NLRC5: variants seen among roughly 807,000 people sequenced by gnomAD.
NLRC5 encodes protein NLRC5.
NLRC5 carries 114 observed loss-of-function variants against 206.9 expected under a neutral mutation model. The ratio of observed to expected loss-of-function variants is 0.55; its 90% CI spans 0.47 to 0.64. The LOEUF (loss-of-function observed/expected upper bound fraction) is 0.64. Among genes scored for constraint, NLRC5 ranks in the 30% least tolerant of loss-of-function variants. The probability of loss-of-function intolerance (pLI) is 0.00; values close to 1 mark genes in which losing one functional copy is unlikely to be tolerated. For synonymous variants in NLRC5, 952 were observed against 962.8 expected (o/e 0.99, Z 0.21); for missense variants, 2,008 against 2,305.5 (o/e 0.87, Z 2.64).
At chr16:56,989,769 G>A (rs2056567869) in intron 1 of NLRC5, among the ~76,000 whole-genome samples, 152 bp downstream of exon 1, 1 of 152,190 alleles carries the variant, frequency 6.6e-6, no homozygotes, top group Non-Finnish European at 1.5e-5. Flanking sequence ...CTGGCCGATG[G>A]ATAGCTGGGT....
intron 1 of NLRC5, among the ~76,000 whole-genome samples, chr16:57,000,459 C>T (rs1243090663): frequency 5.3e-5 from 8 of 152,210 alleles, no homozygotes; most frequent in Middle Eastern, 6.8e-3. Context: ...GGGACAGGGA[C>T]CACCCAGGCT....
chr16:57,033,140 C>T lies in NLRC5; in HGVS notation c.2478-464C>T, dbSNP rs185990280. ...TACCATAGCCTGGACTCACTGCATA[C>T]AGCTCATGCTCCTCGCCTTCTGAAC... On this transcript the variant is annotated intron_variant, in intron 11 of 48. Coordinates refer to ENST00000688547, the MANE Select transcript of NLRC5 (RefSeq NM_001384950.1). 1.3e-3 allele frequency among the ~76,000 whole-genome samples: 191 copies of T among 152,342 alleles called. 1 individual carries two copies. Among genetic ancestry groups the T allele is most frequent in the African/African-American group, 4.3e-3 (178 of 41,584 alleles).
At chr16:57,044,470 G>T (rs1343490745) in intron 20 of NLRC5, among the ~76,000 whole-genome samples, 4 of 152,056 alleles carry the variant, frequency 2.6e-5, no homozygotes, top group African/African-American at 4.8e-5. Context: ...TTCAGGGGAG[G>T]TCTGCTTCCC....
intron 1 of NLRC5, among the ~76,000 whole-genome samples, chr16:56,995,874 A>G (rs113552167): frequency 2.1e-3 from 315 of 152,324 alleles, no homozygotes; most frequent in African/African-American, 7.1e-3. Context: ...GTGTTTTCCC[A>G]GAGAAAGACC....
intron 10 of NLRC5, 61 bp downstream of exon 10, chr16:57,030,145 G>A (rs1308868639): frequency 6.4e-6 from 9 of 1,406,878 alleles, no homozygotes; most frequent in South Asian, 4.6e-5. Context: ...GGGGAAAGTG[G>A]GATGGGAAAT....
At chr16:57,051,348 C>T (rs1168675861) in intron 23 of NLRC5, among the ~76,000 whole-genome samples, 190 bp from the exon 24 acceptor site, 4 of 152,242 alleles carry the variant, frequency 2.6e-5, no homozygotes, top group South Asian at 4.1e-4. Flanking sequence ...GGCTTAACCC[C>T]GTATTTCCCA....
Position 57,058,125 on chromosome 16 carries a change from G to A in NLRC5, c.3807G>A (p.Gln1269=). ...GATGCCTTCTGGAATGTCTGCCGCA[G>A]GTGCCCATCTCCGGTTTGCTTGAGT... ...GLRCLLECLP[Q]VPISGLLDLS... is the part of the protein sequence containing the mutation. Residue 1269 remains glutamine (Q), a synonymous_variant, in exon 28 of 49, where the codon CAG becomes CAA. Transcript: ENST00000688547. 1 of 1,610,534 alleles carries A rather than the reference G, an allele frequency of 6.2e-7. No individual in the cohort carries two copies. Among genetic ancestry groups the A allele is most frequent in the Non-Finnish European group, 8.5e-7 (1 of 1,178,082 alleles).
chr16:57,027,638 T>C (rs1415861038), intron 6 of NLRC5, among the ~76,000 whole-genome samples: 1 of 105,410 alleles, frequency 9.5e-6, no homozygotes, highest in Non-Finnish European at 2.3e-5. Flanking sequence ...CCCAGGTCCC[T>C]CCCATTTTGC....
At chr16:56,989,892 G>A (rs576279490) in intron 1 of NLRC5, among the ~76,000 whole-genome samples, 19 of 152,300 alleles carry the variant, frequency 1.2e-4, no homozygotes, top group African/African-American at 4.3e-4. Flanking sequence ...TGGATGGGGG[G>A]ACACAGTAAG....
chr16:57,058,629 C>T (rs8064106), intron 28 of NLRC5: 8,626 of 361,604 alleles, frequency 0.024, 654 homozygotes, highest in African/African-American at 0.16. Flanking sequence ...CAGCCAGCTC[C>T]AGGACACCAC....
chr16:57,024,492 C>T (rs58138751), intron 5 of NLRC5, among the ~76,000 whole-genome samples: 10,757 of 152,228 alleles, frequency 0.071, 476 homozygotes, highest in African/African-American at 0.13. Context: ...TAGGGTTCCC[C>T]CAAAAGCAGC....
At chr16:57,070,729 G>T in intron 38 of NLRC5, 111 bp downstream of exon 38, 1 of 907,664 alleles carries the variant, frequency 1.1e-6, no homozygotes. Flanking sequence ...GGTGAGTGGT[G>T]GGGTTGGTTA....
rs896668965 is a variant in NLRC5 at position 57,009,857 on chromosome 16, C to T, written c.-127-7217C>T. On this transcript the variant is annotated intron_variant, in intron 1 of 48. Coordinates refer to ENST00000688547, the MANE Select transcript of NLRC5 (RefSeq NM_001384950.1). Reference sequence around the variant, plus strand: ...TGAGAAGGCTCTAAGGGGCATAGGACCTGATGTCATGGGACCTGATGCAGG... The same window carrying T: ...TGAGAAGGCTCTAAGGGGCATAGGATCTGATGTCATGGGACCTGATGCAGG... 9.2e-5 allele frequency among the ~76,000 whole-genome samples: 14 copies of T among 152,110 alleles called. 1 individual carries two copies. The highest frequency in any genetic ancestry group is 2.7e-4 in the African/African-American group (11 of 41,478).
At chr16:57,015,944 A>AAG (rs1555515712) in intron 1 of NLRC5, among the ~76,000 whole-genome samples, 7,361 of 119,352 alleles carry the variant, frequency 0.062, 273 homozygotes, top group Non-Finnish European at 0.093. Flanking sequence ...AAAAAAAAAA[A>AAG]AAAAGAAAGA....
intron 11 of NLRC5, 26 bp from the exon 12 acceptor site, chr16:57,033,578 G>T (rs753889118): frequency 3.3e-5 from 54 of 1,613,034 alleles, no homozygotes; most frequent in Non-Finnish European, 4.3e-5. Flanking sequence ...CTGAGCCCAG[G>T]CCAATGCTTG....
chr16:57,010,879 T>C (rs1303870140), intron 1 of NLRC5, among the ~76,000 whole-genome samples: 6 of 151,666 alleles, frequency 4.0e-5, no homozygotes, highest in Non-Finnish European at 5.9e-5. Flanking sequence ...TAGTTTTTAA[T>C]GTAAATGTTC....
At chr16:57,036,786 T>C (rs1249529719) in intron 14 of NLRC5, among the ~76,000 whole-genome samples, 2 of 152,088 alleles carry the variant, frequency 1.3e-5, no homozygotes, top group African/African-American at 2.4e-5. Flanking sequence ...CTTAGTAGCA[T>C]TGTGAACCTG....
chr16:57,030,490 AGATGGATG>A (rs199777672), intron 10 of NLRC5, among the ~76,000 whole-genome samples: 131 of 97,018 alleles, frequency 1.4e-3, no homozygotes, highest in Middle Eastern at 6.8e-3. Flanking sequence ...GTGGATGAAA[AGATGGATG>A]GATGGATGGA....
chr16:57,038,362 A>G (rs886214538), intron 15 of NLRC5, among the ~76,000 whole-genome samples: 9 of 152,076 alleles, frequency 5.9e-5, no homozygotes, highest in African/African-American at 1.9e-4. Context: ...GGGCTCAGCA[A>G]TCCATCTCTC....
Sources: allele counts gnomAD v4.1 joint callset (sites outside exome capture counted in the v4.1 genomes callset), GRCh38; gene constraint gnomAD v4.1.1; transcripts MANE v1.5; gene names NCBI Gene and HGNC (gene_info 2026-07-23, HGNC 2026-07-21).